The following NRF1 variants were observed in gnomAD, a reference collection of about 807,000 sequenced individuals.
NRF1 encodes the protein alpha palindromic-binding protein.
A neutral mutation model predicts 58.5 loss-of-function variants in NRF1; 5 were observed. The ratio of observed to expected loss-of-function variants is 0.09; its 90% CI spans 0.04 to 0.18. NRF1 has a LOEUF of 0.18. NRF1 is among the 10% of genes least tolerant of loss of function. NRF1 has a pLI of 1.00. For synonymous variants in NRF1, 224 were observed against 246.7 expected (o/e 0.91, Z 0.86); for missense variants, 288 against 657.7 (o/e 0.44, Z 6.15).
chr7:129,723,210 G>A (rs190385029), intron 9 of NRF1, among the ~76,000 whole-genome samples: 40 of 152,196 alleles, frequency 2.6e-4, no homozygotes, highest in Admixed American at 7.2e-4. Flanking sequence ...TTGGGAGGCC[G>A]AGGCGGGTGG....
chr7:129,753,101 A>G (rs999262334), intron 10 of NRF1, among the ~76,000 whole-genome samples: 13 of 151,626 alleles, frequency 8.6e-5, no homozygotes, highest in Admixed American at 5.9e-4. Flanking sequence ...AAAGTTACAT[A>G]CAATTTAACA....
At chr7:129,729,761 G>A (rs372522707) in intron 10 of NRF1, among the ~76,000 whole-genome samples, 1 of 152,140 alleles carries the variant, frequency 6.6e-6, no homozygotes, top group Admixed American at 6.6e-5. Context: ...TTGATATCTG[G>A]CTAGACTTTT....
At chr7:129,695,604 G>A (rs1324502992) in intron 5 of NRF1, among the ~76,000 whole-genome samples, 1 of 148,496 alleles carries the variant, frequency 6.7e-6, no homozygotes, top group Non-Finnish European at 1.5e-5. Flanking sequence ...AAAACTGATT[G>A]TAAAGTAGCA....
chr7:129,688,425 C>T (rs1433137347), intron 4 of NRF1, among the ~76,000 whole-genome samples: 4 of 152,120 alleles, frequency 2.6e-5, no homozygotes, highest in Non-Finnish European at 4.4e-5. Flanking sequence ...CTGCACACAG[C>T]CTGTTTTTCT....
intron 5 of NRF1, among the ~76,000 whole-genome samples, chr7:129,700,651 C>T (rs1416051007): frequency 6.6e-6 from 1 of 152,196 alleles, no homozygotes; most frequent in African/African-American, 2.4e-5. Flanking sequence ...GATGTGGTGG[C>T]CCATGCCTGT....
At chr7:129,696,240 C>T (rs1802695820) in intron 5 of NRF1, among the ~76,000 whole-genome samples, 1 of 151,842 alleles carries the variant, frequency 6.6e-6, no homozygotes, top group Non-Finnish European at 1.5e-5. Flanking sequence ...AGCGAAACTC[C>T]GTCTCAAAGA....
At chr7:129,616,196 T>C (rs1046895603) in intron 1 of NRF1, among the ~76,000 whole-genome samples, 1 of 152,220 alleles carries the variant, frequency 6.6e-6, no homozygotes, top group Non-Finnish European at 1.5e-5. Context: ...GCCTAAAATG[T>C]TTTAAAATGT....
intron 10 of NRF1, among the ~76,000 whole-genome samples, chr7:129,736,665 G>A (rs889121330): frequency 1.5e-4 from 23 of 151,732 alleles, no homozygotes; most frequent in Admixed American, 5.9e-4. Flanking sequence ...CTAGCAGCAG[G>A]GAGGGTATTA....
At chr7:129,748,898 A>C (rs949890386) in intron 10 of NRF1, among the ~76,000 whole-genome samples, 5 of 152,236 alleles carry the variant, frequency 3.3e-5, no homozygotes, top group African/African-American at 1.2e-4. Flanking sequence ...TCATTGCCCC[A>C]GGAGAGATCT....
At chr7:129,708,367 A>C (rs1802998996) in intron 5 of NRF1, among the ~76,000 whole-genome samples, 1 of 152,250 alleles carries the variant, frequency 6.6e-6, no homozygotes, top group Non-Finnish European at 1.5e-5. Flanking sequence ...TCTGGATTTG[A>C]TTTGTAAAAT....
At chr7:129,737,622 T>C (rs747192348) in intron 10 of NRF1, among the ~76,000 whole-genome samples, 11 of 152,210 alleles carry the variant, frequency 7.2e-5, no homozygotes, top group Middle Eastern at 3.2e-3. Context: ...TATGGGCTTG[T>C]TCTCACAAGA....
chr7:129,684,618 T>G (rs561624971), intron 4 of NRF1, among the ~76,000 whole-genome samples: 2 of 152,360 alleles, frequency 1.3e-5, no homozygotes, highest in South Asian at 4.1e-4. Flanking sequence ...TACCCTAGTC[T>G]TATTATAGTC....
At position 129,741,853 on chromosome 7, in the gene NRF1, T is replaced by A. The variant is rs765586534; in HGVS notation, c.1349-13165T>A. Among the ~76,000 whole-genome samples, 12 of 152,158 alleles carry A rather than the reference T, an allele frequency of 7.9e-5. No individual in the cohort carries two copies. The highest frequency in any genetic ancestry group is 1.4e-4 in the African/African-American group (6 of 41,428). On this transcript the variant is annotated intron_variant, in intron 10 of 10. Transcript: ENST00000393232. The surrounding 1 kb of genome is among the most constrained non-coding windows in gnomAD (Gnocchi z 4.0). Reference sequence around the variant, plus strand: ...CCAGCACCCAGCTCTGACATTTGCTTAATAAAGAGCAAATGTGCAGAACCC... The same window carrying A: ...CCAGCACCCAGCTCTGACATTTGCTAAATAAAGAGCAAATGTGCAGAACCC...
intron 4 of NRF1, among the ~76,000 whole-genome samples, chr7:129,688,692 C>A (rs12540137): frequency 7.9e-5 from 11 of 139,450 alleles, no homozygotes; most frequent in African/African-American, 3.7e-4. Context: ...AGGAGAGAGA[C>A]AGAGAGAGAG....
chr7:129,663,140 C>T (rs1445837333), intron 2 of NRF1, among the ~76,000 whole-genome samples: 1 of 152,236 alleles, frequency 6.6e-6, no homozygotes, highest in African/African-American at 2.4e-5. Flanking sequence ...AATGGAGTCT[C>T]CTATGTCTAC....
intron 8 of NRF1, among the ~76,000 whole-genome samples, chr7:129,716,008 A>T (rs1388836528): frequency 2.7e-5 from 4 of 150,364 alleles, no homozygotes; most frequent in Non-Finnish European, 5.9e-5. Context: ...TCCGTCTCCA[A>T]CAACAAAAAA....
chr7:129,687,276 C>CTTT (rs34165257), intron 4 of NRF1, among the ~76,000 whole-genome samples: 29 of 137,772 alleles, frequency 2.1e-4, no homozygotes, highest in Middle Eastern at 3.7e-3. Context: ...GATGCAAGTC[C>CTTT]TTTTTTTTTT....
intron 7 of NRF1, among the ~76,000 whole-genome samples, chr7:129,711,112 T>C (rs538188318): frequency 2.0e-5 from 3 of 152,122 alleles, no homozygotes; most frequent in African/African-American, 7.2e-5. Flanking sequence ...ACAGTTTCAC[T>C]CTCAGTGATC....
intron 10 of NRF1, among the ~76,000 whole-genome samples, chr7:129,746,321 C>T (rs1803973793): frequency 6.6e-6 from 1 of 152,146 alleles, no homozygotes; most frequent in Admixed American, 6.5e-5. Context: ...TTGATATTGA[C>T]ATTCTCTTCA....
Sources: allele counts gnomAD v4.1 joint callset (sites outside exome capture counted in the v4.1 genomes callset), GRCh38; gene constraint gnomAD v4.1.1; non-coding constraint Gnocchi (gnomAD v3.1); transcripts MANE v1.5; gene names NCBI Gene and HGNC (gene_info 2026-07-23, HGNC 2026-07-21).